FBXO36: variants seen among roughly 807,000 people sequenced by gnomAD.
The protein encoded by FBXO36 is F-box protein 36, also known as F-box only protein 36.
Under a neutral mutation model 17.0 loss-of-function variants are expected in FBXO36, and 18 were observed. The ratio of observed to expected loss-of-function variants is 1.06; its 90% CI spans 0.73 to 1.57. The LOEUF (loss-of-function observed/expected upper bound fraction) is 1.57. Ranked by LOEUF, FBXO36 falls within the 40% of genes most tolerant of loss-of-function variation. FBXO36 has a pLI of 0.00. For synonymous variants in FBXO36, 83 were observed against 85.3 expected, an observed-to-expected ratio of 0.97 and a Z score of 0.15; for missense variants, 229 against 221.9, an observed-to-expected ratio of 1.03 and a Z score of -0.20.
intron 1 of FBXO36, among the ~76,000 whole-genome samples, chr2:229,948,970 A>T (rs2077041165): frequency 6.6e-6 from 1 of 152,116 alleles, no homozygotes; most frequent in Non-Finnish European, 1.5e-5. Context: ...AGTAGCTGGG[A>T]CTACAGGCGC....
intron 1 of FBXO36, among the ~76,000 whole-genome samples, chr2:229,960,717 G>C (rs1428631389): frequency 6.6e-6 from 1 of 152,086 alleles, no homozygotes; most frequent in Non-Finnish European, 1.5e-5. Flanking sequence ...TGCCCAGGCT[G>C]GTCTCAAACT....
intron 2 of FBXO36, chr2:229,976,781 T>C (rs2077211042): frequency 6.5e-6 from 1 of 153,000 alleles, no homozygotes; most frequent in African/African-American, 2.4e-5. Context: ...ATCAGACCAT[T>C]GCACTCCAGC....
chr2:229,953,026 G>A lies in FBXO36; in HGVS notation c.97-23215G>A, dbSNP rs185045048. ...CTGTTTACTGTGTTCATTTTGCCAT[G>A]TGCATGTATTGCCTATTTGAAAAGA... On this transcript the variant is annotated intron_variant, in intron 1 of 3. Transcript: ENST00000283946. 8.5e-4 allele frequency among the ~76,000 whole-genome samples: 130 copies of A among 152,248 alleles called. 1 individual carries two copies. Among genetic ancestry groups the A allele is most frequent in the African/African-American group, 2.8e-3 (118 of 41,572 alleles).
chr2:229,986,625 C>T (rs2077269720), intron 2 of FBXO36, among the ~76,000 whole-genome samples: 1 of 150,880 alleles, frequency 6.6e-6, no homozygotes, highest in Admixed American at 6.6e-5. Flanking sequence ...GCCTCTGCCT[C>T]CTGGGTTCAA....
chr2:229,946,155 G>A (rs1168879372), intron 1 of FBXO36, among the ~76,000 whole-genome samples: 1 of 152,176 alleles, frequency 6.6e-6, no homozygotes, highest in African/African-American at 2.4e-5. Context: ...TGAGACCATA[G>A]GACTGTACTT....
chr2:229,978,544 G>A (rs972766171), intron 2 of FBXO36, among the ~76,000 whole-genome samples: 2 of 152,090 alleles, frequency 1.3e-5, no homozygotes, highest in South Asian at 2.1e-4. Context: ...CCGAGATCAC[G>A]CCGTTGCACT....
intron 1 of FBXO36, among the ~76,000 whole-genome samples, chr2:229,945,396 T>C (rs2077021611): frequency 6.6e-6 from 1 of 152,064 alleles, no homozygotes; most frequent in South Asian, 2.1e-4. Context: ...AACCTCCACC[T>C]CCCAGGTTCA....
chr2:229,943,292 A>C (rs2077009705), intron 1 of FBXO36: 1 of 152,252 alleles, frequency 6.6e-6, no homozygotes, highest in Admixed American at 6.5e-5. Flanking sequence ...TCTTTGCTCA[A>C]ATCAGGTTAA....
At chr2:229,953,415 C>T (rs1428653887) in intron 1 of FBXO36, among the ~76,000 whole-genome samples, 1 of 151,670 alleles carries the variant, frequency 6.6e-6, no homozygotes. Context: ...GTGGCTCTTG[C>T]CTGTAATCTC....
At chr2:229,959,377 C>G (rs1227926194) in intron 1 of FBXO36, among the ~76,000 whole-genome samples, 1 of 152,042 alleles carries the variant, frequency 6.6e-6, no homozygotes, top group Non-Finnish European at 1.5e-5. Context: ...ACTTACGTAT[C>G]CTCCTTCCCT....
At chr2:229,985,992 A>G (rs1037926247) in intron 2 of FBXO36, among the ~76,000 whole-genome samples, 3 of 152,156 alleles carry the variant, frequency 2.0e-5, no homozygotes, top group Non-Finnish European at 4.4e-5. Context: ...AGCTGTAGCT[A>G]GCCATGATTG....
intron 1 of FBXO36, among the ~76,000 whole-genome samples, chr2:229,955,299 T>A (rs954680904): frequency 6.6e-6 from 1 of 152,118 alleles, no homozygotes; most frequent in East Asian, 1.9e-4. Flanking sequence ...TCCCAGCACT[T>A]TGGGAGACTA....
intron 3 of FBXO36, among the ~76,000 whole-genome samples, chr2:230,000,858 T>C (rs1409441514): frequency 6.7e-5 from 6 of 89,826 alleles, no homozygotes; most frequent in South Asian, 4.7e-4. Flanking sequence ...TTTCTTTTTT[T>C]TTTTTTTTTT....
At chr2:230,001,436 C>T (rs2077358150) in intron 3 of FBXO36, among the ~76,000 whole-genome samples, 2 of 151,658 alleles carry the variant, frequency 1.3e-5, no homozygotes, top group Admixed American at 1.3e-4. Flanking sequence ...TACAGGCACC[C>T]ACCACTGTGC....
chr2:229,958,626 T>C (rs891442146), intron 1 of FBXO36, among the ~76,000 whole-genome samples: 1 of 152,034 alleles, frequency 6.6e-6, no homozygotes, highest in Non-Finnish European at 1.5e-5. Context: ...ACCTTGAGTG[T>C]TTTGGGGTCA....
In FBXO36 at chr2:229,951,127, G is replaced by T. The variant is rs887129797; in HGVS notation, c.97-25114G>T. Among the ~76,000 whole-genome samples, 8 of 151,944 alleles carry T rather than the reference G, an allele frequency of 5.3e-5. No individual in the cohort carries two copies. In the East Asian group the frequency reaches 1.2e-3, roughly 22 times the overall value. On this transcript the variant is annotated intron_variant, in intron 1 of 3. Coordinates refer to ENST00000283946, the MANE Select transcript of FBXO36 (RefSeq NM_174899.5). ...TTTTTGTATTTTTAGTAGAGACAGG[G>T]TTTCACCTTGTTAGCTAGGATGGTC... is the stretch of plus-strand genomic sequence containing the variant.
intron 1 of FBXO36, among the ~76,000 whole-genome samples, chr2:229,962,533 AT>A (rs1267711684): frequency 6.7e-6 from 1 of 149,080 alleles, no homozygotes; most frequent in South Asian, 2.1e-4. Context: ...ATTTTATTTT[AT>A]TTTATTTTAT....
At chr2:229,966,734 G>A (rs1230560801) in intron 1 of FBXO36, among the ~76,000 whole-genome samples, 1 of 152,104 alleles carries the variant, frequency 6.6e-6, no homozygotes, top group African/African-American at 2.4e-5. Context: ...TGTTCCATTG[G>A]TCTATATCTC....
At chr2:229,950,034 A>T (rs1300534347) in intron 1 of FBXO36, among the ~76,000 whole-genome samples, 1 of 152,216 alleles carries the variant, frequency 6.6e-6, no homozygotes, top group Non-Finnish European at 1.5e-5. Flanking sequence ...TAATCATAGC[A>T]TGTAGCTTCA....
Sources: allele counts gnomAD v4.1 joint callset (sites outside exome capture counted in the v4.1 genomes callset), GRCh38; gene constraint gnomAD v4.1.1; transcripts MANE v1.5; gene names NCBI Gene and HGNC (gene_info 2026-07-23, HGNC 2026-07-21).